C3orf22: variants seen among roughly 807,000 people sequenced by gnomAD.
C3orf22 encodes the protein chromosome 3 open reading frame 22, also known as uncharacterized protein C3orf22.
A neutral mutation model predicts 10.8 loss-of-function variants in C3orf22; 7 were observed. The observed-to-expected ratio is 0.65, with a 90% CI of 0.37 to 1.22. The LOEUF (loss-of-function observed/expected upper bound fraction) is 1.22, where lower values mean the gene tolerates loss of function less well. Ranked by LOEUF, C3orf22 falls within the 50% of genes most tolerant of loss-of-function variation. The probability of loss-of-function intolerance (pLI) is 0.02; values close to 1 mark genes in which losing one functional copy is unlikely to be tolerated. For synonymous variants in C3orf22, 79 were observed against 78.9 expected (o/e 1.00, Z 0.00); for missense variants, 173 against 177.0 (o/e 0.98, Z 0.13).
At chr3:126,539,774 CACA>C in intron 4 of C3orf22, among the ~76,000 whole-genome samples, 1 of 50,880 alleles carries the variant, frequency 2.0e-5, no homozygotes, top group Non-Finnish European at 3.7e-5. Flanking sequence ...ACACACACAG[CACA>C]CACACACCAC....
chr3:126,529,185 G>T, exon 5 of C3orf22: 1 of 655,630 alleles, frequency 1.5e-6, no homozygotes, highest in Non-Finnish European at 2.4e-6. Context: ...AGAGGAGGAT[G>T]GTCGTGCTTC....
rs139584851 is a variant in C3orf22, at chr3:126,529,518, G to A, written c.287-146C>T. The stretch of plus-strand genomic sequence containing the variant: ...CACAGCAAGGAAGCTGTGAGGCCTC[G>A]GGCAAGTTTCTTTGCCTCAGTTTCC... On this transcript the variant is annotated intron_variant and NMD_transcript_variant, in intron 4 of 5. Coordinates refer to the C3orf22 transcript ENST00000505070. 12 of 600,894 alleles carry A rather than the reference G, an allele frequency of 2.0e-5. No individual in the cohort carries two copies. The East Asian group carries it at 5.5e-4, about 27-fold the overall frequency. The allele number at this position is 600,894 out of a possible 1,614,324, so 37.2% of individuals were successfully genotyped here.
intron 4 of C3orf22, among the ~76,000 whole-genome samples, chr3:126,535,670 C>G (rs1218890252): frequency 6.6e-6 from 1 of 152,414 alleles, no homozygotes; most frequent in East Asian, 1.9e-4. Context: ...TGGAGACAGA[C>G]AGACAGCATC....
intron 3 of C3orf22, among the ~76,000 whole-genome samples, chr3:126,551,744 C>T (rs533101168): frequency 6.6e-6 from 1 of 152,240 alleles, no homozygotes; most frequent in African/African-American, 2.4e-5. Context: ...TCCACCACTC[C>T]TCCAACTAGG....
intron 4 of C3orf22, chr3:126,536,410 G>C (rs1275173434): frequency 7.3e-7 from 1 of 1,371,418 alleles, no homozygotes; most frequent in African/African-American, 1.4e-5. Context: ...CCAGGAGCCT[G>C]ACAGCAACAG....
intron 4 of C3orf22, among the ~76,000 whole-genome samples, chr3:126,532,329 A>G (rs1299915725): frequency 6.6e-6 from 1 of 152,258 alleles, no homozygotes; most frequent in Non-Finnish European, 1.5e-5. Context: ...TGTCATATCT[A>G]ATACATCATC....
At chr3:126,540,306 C>T (rs1936931436) in intron 4 of C3orf22, among the ~76,000 whole-genome samples, 1 of 152,190 alleles carries the variant, frequency 6.6e-6, no homozygotes, top group African/African-American at 2.4e-5. Context: ...ACTATCACCG[C>T]TGTCTAATTT....
intron 3 of C3orf22, 26 bp downstream of exon 3, chr3:126,551,971 G>T (rs1576248365): frequency 1.9e-6 from 3 of 1,574,298 alleles, no homozygotes; most frequent in Non-Finnish European, 8.6e-7. Flanking sequence ...GCCAGTGGGG[G>T]TGGTGGCATC....
intron 1 of C3orf22, among the ~76,000 whole-genome samples, chr3:126,556,666 TCA>T (rs1320746496): frequency 7.3e-6 from 1 of 137,646 alleles, no homozygotes; most frequent in East Asian, 2.2e-4. Flanking sequence ...ACACACACAC[TCA>T]CTCTCACAGA....
At chr3:126,542,293 G>A (rs1320176012) in intron 4 of C3orf22, 2 of 1,566,966 alleles carry the variant, frequency 1.3e-6, no homozygotes, top group South Asian at 1.1e-5. Context: ...ACGAGCACTG[G>A]GAGCGCGCGC....
intron 1 of C3orf22, among the ~76,000 whole-genome samples, chr3:126,557,490 G>A (rs750444709): frequency 6.6e-6 from 1 of 152,202 alleles, no homozygotes; most frequent in African/African-American, 2.4e-5. Context: ...GTGCCATGCT[G>A]CTCATCCATC....
In C3orf22 at chr3:126,541,361, G is replaced by A. The variant is rs111434418; in HGVS notation, c.286+8176C>T. 1.4e-3 allele frequency among the ~76,000 whole-genome samples: 212 copies of A among 152,290 alleles called. 1 individual carries two copies. The highest frequency in any genetic ancestry group is 0.014 in the Middle Eastern group (4 of 294). On this transcript the variant is annotated intron_variant and NMD_transcript_variant, in intron 4 of 5. Coordinates refer to the C3orf22 transcript ENST00000505070. ...TCAATTGGGTGTGGAATTAAACAGCGCTGCTTCTTATGCAGCCTCCTGCTT... is the reference window on the plus strand; with the variant it reads ...TCAATTGGGTGTGGAATTAAACAGCACTGCTTCTTATGCAGCCTCCTGCTT...
intron 5 of C3orf22, chr3:126,529,067 A>G (rs1430010185): frequency 2.8e-6 from 1 of 358,200 alleles, no homozygotes; most frequent in Non-Finnish European, 5.5e-6. Flanking sequence ...GAGTGTCATC[A>G]TCTCTGCTTG....
At chr3:126,538,800 T>G (rs942401413) in intron 4 of C3orf22, among the ~76,000 whole-genome samples, 6 of 152,178 alleles carry the variant, frequency 3.9e-5, no homozygotes, top group Admixed American at 2.0e-4. Context: ...CCATGGTGAG[T>G]GTGGCTAAGT....
chr3:126,533,628 T>C (rs993913546), intron 4 of C3orf22, among the ~76,000 whole-genome samples: 1 of 152,208 alleles, frequency 6.6e-6, no homozygotes, highest in Non-Finnish European at 1.5e-5. Flanking sequence ...GGTTTGCCCA[T>C]ATTTTTTGAG....
In C3orf22 at chr3:126,549,708, A is replaced by C; in HGVS notation, c.*160T>G. ...AGCTGGAAGTGGGGTGGGAACTCGC[A>C]GTTTATTAGCTTGGTGTAGCTTTTT... On this transcript the variant is annotated 3_prime_UTR_variant, in exon 4 of 4. Coordinates refer to ENST00000318225, the MANE Select transcript of C3orf22 (RefSeq NM_152533.3). 3.3e-6 allele frequency: 5 copies of C among 1,524,484 alleles called. No homozygotes were observed. The highest frequency in any genetic ancestry group is 4.4e-6 in the Non-Finnish European group (5 of 1,139,554). 94.4% of individuals were successfully genotyped at this position (1,524,484 alleles called of 1,614,324 possible). A position where few individuals can be genotyped will look rare whatever the true frequency, so the allele number is the denominator to read the frequency against.
downstream of C3orf22, among the ~76,000 whole-genome samples, chr3:126,545,036 T>G (rs775736942): frequency 1.3e-5 from 2 of 152,238 alleles, no homozygotes; most frequent in African/African-American, 2.4e-5. Flanking sequence ...GTCTGTGTCC[T>G]CACAGATCAC....
intron 3 of C3orf22, among the ~76,000 whole-genome samples, chr3:126,550,466 T>C (rs972321170): frequency 6.6e-6 from 1 of 152,190 alleles, no homozygotes; most frequent in African/African-American, 2.4e-5. Flanking sequence ...CCAACCTGAC[T>C]GTGAGGACAC....
At chr3:126,550,196 C>A (rs1937150118) in intron 3 of C3orf22, 118 bp from the exon 4 acceptor site, 1 of 1,171,678 alleles carries the variant, frequency 8.5e-7, no homozygotes, top group Admixed American at 2.5e-5. Context: ...AGATCTACTC[C>A]CAACCAGGCT....
Sources: allele counts gnomAD v4.1 joint callset (sites outside exome capture counted in the v4.1 genomes callset), GRCh38; gene constraint gnomAD v4.1.1; transcripts MANE v1.5; gene names NCBI Gene and HGNC (gene_info 2026-07-23, HGNC 2026-07-21).